CAMKMT: variants seen among roughly 807,000 people sequenced by gnomAD.
CAMKMT encodes the protein CaM KMT.
A neutral mutation model predicts 48.0 loss-of-function variants in CAMKMT; 53 were observed. The ratio of observed to expected loss-of-function variants is 1.10; its 90% confidence interval spans 0.89 to 1.39. The LOEUF (loss-of-function observed/expected upper bound fraction) is 1.39. Ranked by LOEUF, CAMKMT falls within the 40% of genes most tolerant of loss-of-function variation. The probability of loss-of-function intolerance (pLI) is 0.00; values close to 1 mark genes in which losing one functional copy is unlikely to be tolerated. For synonymous variants in CAMKMT, 165 were observed against 152.3 expected (o/e 1.08, Z -0.61); for missense variants, 428 against 402.7 (o/e 1.06, Z -0.54).
chr2:44,551,727 C>T (rs746210896), intron 3 of CAMKMT, among the ~76,000 whole-genome samples: 2 of 152,184 alleles, frequency 1.3e-5, no homozygotes, highest in Non-Finnish European at 2.9e-5. Context: ...AGATCATTAT[C>T]AGCCCAGTAA....
At chr2:44,584,626 T>A (rs1222005822) in intron 3 of CAMKMT, among the ~76,000 whole-genome samples, 1 of 152,180 alleles carries the variant, frequency 6.6e-6, no homozygotes, top group Non-Finnish European at 1.5e-5. Flanking sequence ...AGTCAAAAAA[T>A]ATTTATGAAT....
At chr2:44,616,371 G>A (rs762630479) in intron 3 of CAMKMT, among the ~76,000 whole-genome samples, 2 of 152,160 alleles carry the variant, frequency 1.3e-5, no homozygotes, top group African/African-American at 4.8e-5. Flanking sequence ...CCAAGCAATT[G>A]TTCCCCATGG....
intron 3 of CAMKMT, among the ~76,000 whole-genome samples, chr2:44,435,169 T>TA (rs1666149183): frequency 6.6e-6 from 1 of 152,228 alleles, no homozygotes; most frequent in African/African-American, 2.4e-5. Flanking sequence ...CTCGATTTTA[T>TA]AAAAACCACT....
intron 3 of CAMKMT, among the ~76,000 whole-genome samples, chr2:44,411,692 T>A (rs150177806): frequency 1.1e-4 from 17 of 152,298 alleles, no homozygotes; most frequent in African/African-American, 4.1e-4. Context: ...CTTTCTCTTA[T>A]GTATTGTATC....
At chr2:44,445,661 T>G (rs1193742391) in intron 3 of CAMKMT, among the ~76,000 whole-genome samples, 6 of 9,986 alleles carry the variant, frequency 6.0e-4, no homozygotes, top group African/African-American at 1.4e-3. Flanking sequence ...TTTTTTTTTT[T>G]TTTTTTTTTT....
Position 44,651,989 on chromosome 2 carries a change from A to G in CAMKMT, c.377-52294A>G, listed in dbSNP as rs111232836. Among the ~76,000 whole-genome samples, 309 of 152,340 alleles carry G rather than the reference A, an allele frequency of 2.0e-3. 1 individual carries two copies. The Middle Eastern group carries it at 0.024, about 12-fold the overall frequency. ...ATGTGAAAAAGTGACATTTGAAGAA[A>G]GCTTTTTAATACAGTATATGTGCAT... On this transcript the variant is annotated intron_variant, in intron 3 of 10. Transcript: ENST00000378494.
At chr2:44,401,793 T>C (rs767056257) in intron 3 of CAMKMT, among the ~76,000 whole-genome samples, 10 of 152,178 alleles carry the variant, frequency 6.6e-5, no homozygotes, top group Non-Finnish European at 1.2e-4. Context: ...CGGAGTCTTT[T>C]CTGAAGCCTT....
At chr2:44,601,145 A>G (rs538716997) in intron 3 of CAMKMT, among the ~76,000 whole-genome samples, 1 of 152,256 alleles carries the variant, frequency 6.6e-6, no homozygotes, top group East Asian at 1.9e-4. Context: ...TACTTAATAT[A>G]TATAAAGGTA....
At chr2:44,727,208 G>A (rs903037403) in intron 7 of CAMKMT, among the ~76,000 whole-genome samples, 5 of 152,300 alleles carry the variant, frequency 3.3e-5, no homozygotes, top group African/African-American at 9.6e-5. Context: ...ATTGCTTTGG[G>A]CAGTATGGCC....
intron 3 of CAMKMT, among the ~76,000 whole-genome samples, chr2:44,632,325 T>C (rs1672880325): frequency 6.6e-6 from 1 of 152,216 alleles, no homozygotes; most frequent in Admixed American, 6.5e-5. Context: ...TCAATGAACA[T>C]AGAATACTGA....
chr2:44,603,382 A>G (rs1438896038), intron 3 of CAMKMT, among the ~76,000 whole-genome samples: 4 of 152,050 alleles, frequency 2.6e-5, no homozygotes, highest in Non-Finnish European at 5.9e-5. Context: ...TGAGCCACCA[A>G]CTGGACCCCC....
chr2:44,472,564 C>T (rs1358549134), intron 3 of CAMKMT, among the ~76,000 whole-genome samples: 1 of 152,116 alleles, frequency 6.6e-6, no homozygotes, highest in Non-Finnish European at 1.5e-5. Context: ...CATATATCCT[C>T]TTTCATTTTT....
In CAMKMT at chr2:44,456,717, A is replaced by C. The variant is rs80082195; in HGVS notation, c.376+66412A>C. 1.5e-3 allele frequency: 1,518 copies of C among 982,658 alleles called. 13 individuals are homozygous for C. The African/African-American group carries it at 0.023, about 15-fold the overall frequency. 60.9% of individuals were successfully genotyped at this position (982,658 alleles called of 1,614,324 possible). ...ACCTCTGCTTGTCTTCATGATCTTC[A>C]TTACAATCATAGCAGAAATCCTCAT... On this transcript the variant is annotated intron_variant, in intron 3 of 10. Transcript: ENST00000378494.
At position 44,641,422 on chromosome 2, in the gene CAMKMT, G is replaced by A. The variant is rs1673445556; in HGVS notation, c.377-62861G>A. Among the ~76,000 whole-genome samples the A allele has an allele frequency of 3.3e-5, 5 of 152,108 alleles. No homozygotes were observed. In the South Asian group the frequency reaches 1.0e-3, roughly 32 times the overall value. On this transcript the variant is annotated intron_variant, in intron 3 of 10. Coordinates refer to ENST00000378494, the MANE Select transcript of CAMKMT (RefSeq NM_024766.5). The stretch of plus-strand genomic sequence containing the variant: ...GAACAGCAGTTTTCCCAGCTGAGGT[G>A]ATAACAGTCCTAGTCTTGCAAAAAC...
intron 1 of CAMKMT, among the ~76,000 whole-genome samples, chr2:44,364,196 T>C (rs980413560): frequency 3.9e-5 from 6 of 152,108 alleles, no homozygotes; most frequent in African/African-American, 1.4e-4. Flanking sequence ...ATGTTCATTC[T>C]AAATTGCGGT....
intron 3 of CAMKMT, among the ~76,000 whole-genome samples, chr2:44,647,645 C>T (rs1408250935): frequency 6.6e-6 from 1 of 152,046 alleles, no homozygotes; most frequent in Non-Finnish European, 1.5e-5. Context: ...GTGGCTCACA[C>T]CTGTAATCCT....
chr2:44,466,016 A>C (rs771908078), intron 3 of CAMKMT, among the ~76,000 whole-genome samples: 20 of 152,242 alleles, frequency 1.3e-4, no homozygotes, highest in Non-Finnish European at 2.6e-4. Context: ...CTAACAGTAG[A>C]GCACCCAAAT....
chr2:44,644,204 C>T (rs948705674), intron 3 of CAMKMT, among the ~76,000 whole-genome samples: 2 of 152,096 alleles, frequency 1.3e-5, no homozygotes, highest in African/African-American at 4.8e-5. Context: ...TAAATTGCCC[C>T]CTTAGGGTCA....
At chr2:44,629,343 C>G (rs1446157769) in intron 3 of CAMKMT, among the ~76,000 whole-genome samples, 5 of 151,962 alleles carry the variant, frequency 3.3e-5, no homozygotes, top group African/African-American at 9.7e-5. Context: ...CTACACTAAC[C>G]TCATGATTAG....
Sources: gnomAD v4.1 joint callset for allele counts (sites outside exome capture counted in the v4.1 genomes callset) on GRCh38, gnomAD v4.1.1 for gene constraint, MANE v1.5 for transcripts, NCBI Gene and HGNC (gene_info 2026-07-23, HGNC 2026-07-21) for gene names.